The following PDLIM1 variants were observed in gnomAD, a reference collection of about 807,000 sequenced individuals.
The protein encoded by PDLIM1 is PDZ and LIM domain protein 1.
In PDLIM1, 25 loss-of-function variants were observed where a neutral mutation model predicts 35.2. The observed-to-expected ratio is 0.71, with a 90% confidence interval of 0.52 to 0.99. The LOEUF is 0.99. Ranked by LOEUF, PDLIM1 falls within the 50% of genes least tolerant of loss-of-function variation. PDLIM1 has a pLI of 0.00. For synonymous variants in PDLIM1, 152 were observed against 154.0 expected (o/e 0.99, Z 0.10); for missense variants, 363 against 415.3 (o/e 0.87, Z 1.09).
intron 4 of PDLIM1, among the ~76,000 whole-genome samples, chr10:95,253,995 T>TA (rs1564599994): frequency 1.3e-5 from 2 of 151,724 alleles, no homozygotes; most frequent in East Asian, 3.9e-4. Context: ...AGACATAGAA[T>TA]AAAAAACACT....
Position 95,249,642 on chromosome 10 carries a change from A to C in PDLIM1, c.534-2276T>G, listed in dbSNP as rs1405688163. On this transcript the variant is annotated intron_variant, in intron 4 of 6. Coordinates refer to ENST00000329399, the MANE Select transcript of PDLIM1 (RefSeq NM_020992.4). ...TGTTTTCCCTGGGTAATTCTCCGCA[A>C]GTTCCCTTTTCCTCTCCCTCTCTTC... 2.6e-5 allele frequency among the ~76,000 whole-genome samples: 4 copies of C among 152,108 alleles called. No homozygotes were observed. In the East Asian group the frequency reaches 7.7e-4, roughly 29 times the overall value.
intron 1 of PDLIM1, among the ~76,000 whole-genome samples, chr10:95,280,033 GAGTA>G (rs1292009147): frequency 1.3e-5 from 2 of 152,138 alleles, no homozygotes; most frequent in Non-Finnish European, 2.9e-5. Context: ...TAACAAAAAT[GAGTA>G]AGTATGAGCA....
At chr10:95,256,796 A>G (rs4918905) in intron 4 of PDLIM1, among the ~76,000 whole-genome samples, 40,672 of 151,018 alleles carry the variant, frequency 0.27, 5,674 homozygotes, top group Non-Finnish European at 0.31. Flanking sequence ...ACACAGTGAA[A>G]CTCCATCTCT....
At chr10:95,260,697 G>A (rs778169842) in intron 4 of PDLIM1, among the ~76,000 whole-genome samples, 1 of 152,200 alleles carries the variant, frequency 6.6e-6, no homozygotes, top group Non-Finnish European at 1.5e-5. Flanking sequence ...CAAGTGCATA[G>A]GACAAAGAAA....
At chr10:95,286,316 C>T (rs528954059) in intron 1 of PDLIM1, among the ~76,000 whole-genome samples, 73 of 151,846 alleles carry the variant, frequency 4.8e-4, no homozygotes, top group African/African-American at 1.7e-3. Flanking sequence ...GAGATCATGC[C>T]ACTGAACTCT....
At chr10:95,264,367 C>T (rs1272269525) in intron 3 of PDLIM1, among the ~76,000 whole-genome samples, 1 of 152,222 alleles carries the variant, frequency 6.6e-6, no homozygotes, top group Non-Finnish European at 1.5e-5. Flanking sequence ...GCCCTTGATG[C>T]TTTGGGCTGT....
intron 4 of PDLIM1, among the ~76,000 whole-genome samples, chr10:95,258,962 T>C (rs2035339091): frequency 1.3e-5 from 2 of 152,278 alleles, no homozygotes; most frequent in South Asian, 4.1e-4. Flanking sequence ...ACATACTGTA[T>C]GATTCCATTA....
intron 1 of PDLIM1, among the ~76,000 whole-genome samples, chr10:95,280,625 G>T (rs12098304): frequency 6.6e-6 from 1 of 152,110 alleles, no homozygotes; most frequent in African/African-American, 2.4e-5. Context: ...GACAGAGGTG[G>T]GGGTTTTAAC....
chr10:95,259,316 T>C (rs1021423043), intron 4 of PDLIM1, among the ~76,000 whole-genome samples: 70 of 152,320 alleles, frequency 4.6e-4, no homozygotes, highest in African/African-American at 1.6e-3. Flanking sequence ...AGTTAAGTGC[T>C]AGCTGGAAAT....
intron 2 of PDLIM1, among the ~76,000 whole-genome samples, chr10:95,270,731 TGCAGTAGCA>T (rs1048134129): frequency 6.6e-6 from 1 of 152,100 alleles, no homozygotes; most frequent in Non-Finnish European, 1.5e-5. Context: ...CTCAGCACAA[TGCAGTAGCA>T]GCAGCATCCT....
At chr10:95,274,633 G>A (rs1047018783) in intron 1 of PDLIM1, among the ~76,000 whole-genome samples, 3 of 152,032 alleles carry the variant, frequency 2.0e-5, no homozygotes, top group Non-Finnish European at 4.4e-5. Flanking sequence ...CTTCTTCACG[G>A]CACTGGTCAC....
chr10:95,286,546 T>C (rs2035603550), intron 1 of PDLIM1, among the ~76,000 whole-genome samples: 1 of 152,070 alleles, frequency 6.6e-6, no homozygotes, highest in Non-Finnish European at 1.5e-5. Context: ...TCAGCTTGAG[T>C]CCCTGCCCTG....
intron 1 of PDLIM1, among the ~76,000 whole-genome samples, chr10:95,276,013 A>G (rs1230960822): frequency 6.6e-6 from 1 of 152,230 alleles, no homozygotes; most frequent in African/African-American, 2.4e-5. Flanking sequence ...TTTATGAGCT[A>G]TCTTTTTTAG....
intron 5 of PDLIM1, among the ~76,000 whole-genome samples, chr10:95,246,063 C>T (rs2035216372): frequency 6.6e-6 from 1 of 152,140 alleles, no homozygotes; most frequent in Admixed American, 6.5e-5. Context: ...CAGATGGGTC[C>T]ATGAGAGAGA....
intron 4 of PDLIM1, 97 bp downstream of exon 4, chr10:95,263,767 T>C: frequency 3.7e-6 from 3 of 814,990 alleles, no homozygotes; most frequent in South Asian, 1.8e-5. Context: ...TTTTTCTCCC[T>C]GGAGTAGTGG....
chr10:95,282,368 G>A (rs1011879458), intron 1 of PDLIM1, among the ~76,000 whole-genome samples: 6 of 152,118 alleles, frequency 3.9e-5, no homozygotes, highest in African/African-American at 1.4e-4. Context: ...ATTTACACAG[G>A]GTGACCTGAA....
At chr10:95,259,193 G>A (rs2035341597) in intron 4 of PDLIM1, among the ~76,000 whole-genome samples, 1 of 152,146 alleles carries the variant, frequency 6.6e-6, no homozygotes, top group Non-Finnish European at 1.5e-5. Context: ...AGGGAAATTG[G>A]TAAAGGGTAT....
At position 95,279,105 on chromosome 10, in the gene PDLIM1, T is replaced by C. The variant is rs45480497; in HGVS notation, c.97-7321A>G. The stretch of plus-strand genomic sequence containing the variant: ...CAACAAAATCACTCAAACCCCTAGA[T>C]TCGCAGCTTCTTTAGAAAAATCAGA... On this transcript the variant is annotated intron_variant, in intron 1 of 6. Coordinates refer to ENST00000329399, the MANE Select transcript of PDLIM1 (RefSeq NM_020992.4). 6.6e-4 allele frequency among the ~76,000 whole-genome samples: 100 copies of C among 152,302 alleles called. 5 individuals carry two copies. The East Asian group carries it at 0.019, about 29-fold the overall frequency.
At chr10:95,262,512 AATG>A (rs2035373238) in intron 4 of PDLIM1, among the ~76,000 whole-genome samples, 1 of 152,182 alleles carries the variant, frequency 6.6e-6, no homozygotes, top group South Asian at 2.1e-4. Context: ...AATTAGCAGA[AATG>A]AGACCTGCAT....
Sources: gnomAD v4.1 joint callset for allele counts (sites outside exome capture counted in the v4.1 genomes callset) on GRCh38, gnomAD v4.1.1 for gene constraint, MANE v1.5 for transcripts, NCBI Gene and HGNC (gene_info 2026-07-23, HGNC 2026-07-21) for gene names.